Variants in CADPS2 observed in about 807,000 individuals in gnomAD.
The protein encoded by CADPS2 is calcium-dependent secretion activator 2.
A neutral mutation model predicts 172.5 loss-of-function variants in CADPS2; 93 were observed. The observed-to-expected ratio is 0.54, with a 90% confidence interval of 0.46 to 0.64. The LOEUF (loss-of-function observed/expected upper bound fraction) is 0.64, where lower values mean the gene tolerates loss of function less well. Among genes scored for constraint, CADPS2 ranks in the 30% least tolerant of loss-of-function variants. The pLI, the probability that CADPS2 is intolerant of heterozygous loss-of-function variation, is 0.00. For synonymous variants in CADPS2, 546 were observed against 555.2 expected (o/e 0.98, Z 0.23); for missense variants, 1,420 against 1,565.9 (o/e 0.91, Z 1.57).
chr7:122,842,061 T>G (rs965851893), intron 1 of CADPS2, among the ~76,000 whole-genome samples: 2 of 152,120 alleles, frequency 1.3e-5, no homozygotes, highest in Non-Finnish European at 2.9e-5. Flanking sequence ...AAAGGAGAGA[T>G]GAGGAGCAGC....
chr7:122,629,118 T>C (rs1025778171), intron 4 of CADPS2, 130 bp downstream of exon 4: 3 of 585,902 alleles, frequency 5.1e-6, no homozygotes, highest in Admixed American at 3.4e-5. Context: ...AAGAGGTCTA[T>C]GTGTAGAGGA....
At chr7:122,690,563 A>C (rs2084210264) in intron 2 of CADPS2, among the ~76,000 whole-genome samples, 1 of 152,114 alleles carries the variant, frequency 6.6e-6, no homozygotes, top group Non-Finnish European at 1.5e-5. Flanking sequence ...TTGTCTCCCT[A>C]CTTTTAGGGG....
chr7:122,823,341 C>T (rs1803945104), intron 1 of CADPS2, among the ~76,000 whole-genome samples: 2 of 152,186 alleles, frequency 1.3e-5, no homozygotes, highest in African/African-American at 4.8e-5. Flanking sequence ...CCGAGTCTAT[C>T]TCCTAAATGT....
At chr7:122,474,306 T>C in intron 13 of CADPS2, 75 bp downstream of exon 13, 2 of 1,445,916 alleles carry the variant, frequency 1.4e-6, no homozygotes, top group Non-Finnish European at 1.9e-6. Flanking sequence ...CTTTCTAAAA[T>C]CTTTTATTCC....
chr7:122,381,588 AGG>A (rs2043003564), intron 24 of CADPS2, among the ~76,000 whole-genome samples: 1 of 152,060 alleles, frequency 6.6e-6, no homozygotes, highest in South Asian at 2.1e-4. Flanking sequence ...CTTAAAATCA[AGG>A]GACGAGCCAC....
intron 1 of CADPS2, among the ~76,000 whole-genome samples, chr7:122,876,271 G>A (rs1017642159): frequency 1.3e-5 from 2 of 152,312 alleles, no homozygotes; most frequent in East Asian, 1.9e-4. Flanking sequence ...AGTGGGTCAG[G>A]ATCGTGTCAC....
At chr7:122,678,307 G>A (rs1389233134) in intron 2 of CADPS2, among the ~76,000 whole-genome samples, 1 of 152,208 alleles carries the variant, frequency 6.6e-6, no homozygotes, top group Non-Finnish European at 1.5e-5. Flanking sequence ...AACTGTAAAT[G>A]TGTGGTTTTG....
chr7:122,745,787 AC>A (rs2092697413), intron 1 of CADPS2, among the ~76,000 whole-genome samples: 3 of 151,960 alleles, frequency 2.0e-5, no homozygotes, highest in African/African-American at 7.3e-5. Flanking sequence ...GCCTGACCCC[AC>A]AAAAAAGTCG....
At position 122,328,245 on chromosome 7, in the gene CADPS2, G is replaced by A. The variant is rs2034288340; in HGVS notation, c.3613-2664C>T. Among the ~76,000 whole-genome samples, 8 of 151,684 alleles carry A rather than the reference G, an allele frequency of 5.3e-5. No individual in the cohort carries two copies. In the South Asian group the frequency reaches 1.5e-3, roughly 28 times the overall value. On this transcript the variant is annotated intron_variant, in intron 28 of 29. Coordinates refer to ENST00000449022, the MANE Select transcript of CADPS2 (RefSeq NM_017954.11). The stretch of plus-strand genomic sequence containing the variant: ...TTATTTCTAGTGCTGGGATTAATAC[G>A]TCCTCCTTTTGAGTACTGAATATGG...
At chr7:122,454,836 G>A (rs1257546576) in intron 14 of CADPS2, among the ~76,000 whole-genome samples, 4 of 152,034 alleles carry the variant, frequency 2.6e-5, no homozygotes, top group African/African-American at 9.7e-5. Context: ...AACACACCCA[G>A]AATGTGACCT....
At position 122,581,179 on chromosome 7, in the gene CADPS2, C is replaced by A; in HGVS notation, c.1335G>T (p.Arg445Ser). 1 of 1,611,746 alleles carries A rather than the reference C, an allele frequency of 6.2e-7. No individual in the cohort carries two copies. Among genetic ancestry groups the A allele is most frequent in the Non-Finnish European group, 8.5e-7 (1 of 1,178,166 alleles). The change falls in exon 7 of 30, where the codon AGG becomes AGT. Residue 445 changes from arginine (R) to serine (S), a missense_variant and splice_region_variant. Transcript: ENST00000449022. ...GACACACAGGCTGACCACAACTCAC[C>A]CTTCCCAGTTCTTTATCTTCCAGGG... ...VLALEDKELG[R>S]VILYPTSNSS...
chr7:122,817,961 T>C (rs1474317463), intron 1 of CADPS2, among the ~76,000 whole-genome samples: 1 of 150,840 alleles, frequency 6.6e-6, no homozygotes, highest in Non-Finnish European at 1.5e-5. Context: ...CGACCCTTTA[T>C]TTCCGTGCCC....
Position 122,609,818 on chromosome 7 carries a change from T to C in CADPS2, c.1223+5363A>G, listed in dbSNP as rs149230088. ...AGTATCAGACAGAAGGATGAATTTA[T>C]CTCCAACAAAGCACAAACTGTTGAA... On this transcript the variant is annotated intron_variant, in intron 6 of 29. Coordinates refer to ENST00000449022, the MANE Select transcript of CADPS2 (RefSeq NM_017954.11). Among the ~76,000 whole-genome samples, 122 of 152,278 alleles carry C rather than the reference T, an allele frequency of 8.0e-4. 1 individual carries two copies. The highest frequency in any genetic ancestry group is 2.1e-3 in the African/African-American group (87 of 41,572).
chr7:122,412,456 G>T (rs1190995521), intron 19 of CADPS2, among the ~76,000 whole-genome samples: 1 of 152,236 alleles, frequency 6.6e-6, no homozygotes, highest in Non-Finnish European at 1.5e-5. Flanking sequence ...GCATAATTTG[G>T]TTCAGATACT....
intron 1 of CADPS2, among the ~76,000 whole-genome samples, chr7:122,837,989 T>G (rs1809095686): frequency 6.6e-6 from 1 of 152,188 alleles, no homozygotes; most frequent in Admixed American, 6.5e-5. Flanking sequence ...AAGAGAATTT[T>G]AGACGAATAT....
At chr7:122,320,842 AATTT>A (rs2032300224) in intron 29 of CADPS2, among the ~76,000 whole-genome samples, 1 of 152,234 alleles carries the variant, frequency 6.6e-6, no homozygotes, top group Non-Finnish European at 1.5e-5. Flanking sequence ...TGAATTATAA[AATTT>A]ATTTACATGT....
chr7:122,424,847 AG>A (rs140598326), intron 17 of CADPS2, among the ~76,000 whole-genome samples: 4,337 of 152,312 alleles, frequency 0.028, 186 homozygotes, highest in African/African-American at 0.099. Flanking sequence ...GGCTTGAGGG[AG>A]AAGAAAGTTT....
At chr7:122,676,357 T>G (rs1301479070) in intron 2 of CADPS2, among the ~76,000 whole-genome samples, 1 of 152,222 alleles carries the variant, frequency 6.6e-6, no homozygotes, top group Non-Finnish European at 1.5e-5. Flanking sequence ...GAATGAAGAC[T>G]TAGCAGAAAA....
chr7:122,529,130 T>A (rs2131273856), intron 8 of CADPS2, among the ~76,000 whole-genome samples: 1 of 152,262 alleles, frequency 6.6e-6, no homozygotes, highest in African/African-American at 2.4e-5. Flanking sequence ...AAGGTACTTG[T>A]GAAGTTGTTC....
Sources: allele counts gnomAD v4.1 joint callset (sites outside exome capture counted in the v4.1 genomes callset), GRCh38; gene constraint gnomAD v4.1.1; transcripts MANE v1.5; gene names NCBI Gene and HGNC (gene_info 2026-07-23, HGNC 2026-07-21).